NUP210L: variants seen among roughly 807,000 people sequenced by gnomAD.
NUP210L encodes the protein nuclear pore membrane glycoprotein 210-like.
In NUP210L, 74 loss-of-function variants were observed where a neutral mutation model predicts 208.5. That is an observed-to-expected ratio of 0.35 (90% CI 0.29 to 0.43). The LOEUF is 0.43. Ranked by LOEUF, NUP210L falls within the 20% of genes least tolerant of loss-of-function variation. NUP210L has a pLI of 1.00. For missense variants in NUP210L, 1,843 were observed against 2,289.4 expected (o/e 0.81, Z 3.98); for synonymous variants, 780 against 816.9 (o/e 0.95, Z 0.77).
At chr1:154,142,638 C>A (rs1174306377) in intron 3 of NUP210L, among the ~76,000 whole-genome samples, 2 of 152,100 alleles carry the variant, frequency 1.3e-5, no homozygotes, top group African/African-American at 4.8e-5. Context: ...TGCCTGTAAT[C>A]CCAACACTTT....
chr1:154,007,585 T>TATAATAGAATACTTC (rs1650637366), intron 35 of NUP210L, among the ~76,000 whole-genome samples: 1 of 151,706 alleles, frequency 6.6e-6, no homozygotes, highest in African/African-American at 2.4e-5. Flanking sequence ...TATTTATTTA[T>TATAATAGAATACTTC]TTATTGAAAC....
chr1:154,148,131 G>A (rs1209787806), intron 2 of NUP210L, among the ~76,000 whole-genome samples: 1 of 151,532 alleles, frequency 6.6e-6, no homozygotes, highest in African/African-American at 2.4e-5. Flanking sequence ...GCCAGGCATG[G>A]TGGTGCGTGC....
intron 19 of NUP210L, 111 bp downstream of exon 19, chr1:154,060,831 A>G: frequency 1.3e-6 from 1 of 794,252 alleles, no homozygotes; most frequent in Non-Finnish European, 2.1e-6. Context: ...TTTTACATAT[A>G]TGTATCAATT....
chr1:154,127,579 G>A (rs1326583559), intron 8 of NUP210L, among the ~76,000 whole-genome samples, 162 bp from the exon 9 acceptor site: 2 of 118,260 alleles, frequency 1.7e-5, no homozygotes, highest in African/African-American at 6.5e-5. Flanking sequence ...TTTTTTGAGA[G>A]TCTTGCTTTG....
chr1:154,139,881 T>C (rs1204638083), exon 5 of NUP210L: 4 of 1,613,028 alleles, frequency 2.5e-6, no homozygotes, highest in Admixed American at 3.3e-5. Flanking sequence ...CACATCTCCT[T>C]GTTTCTCCTC....
intron 30 of NUP210L, 129 bp from the exon 31 acceptor site, chr1:154,023,426 G>C: frequency 1.4e-6 from 1 of 689,744 alleles, no homozygotes; most frequent in East Asian, 2.8e-5. Context: ...TTTGATGTGA[G>C]ATGACTTAAG....
chr1:154,013,006 CAAAAA>C (rs149011212), intron 33 of NUP210L, among the ~76,000 whole-genome samples: 2 of 72,638 alleles, frequency 2.8e-5, no homozygotes, highest in African/African-American at 5.6e-5. Context: ...AACTCTGAAT[CAAAAA>C]AAAAAAAAAA....
chr1:154,077,959 T>A (rs1158853147), intron 16 of NUP210L, among the ~76,000 whole-genome samples: 1 of 151,856 alleles, frequency 6.6e-6, no homozygotes, highest in Non-Finnish European at 1.5e-5. Flanking sequence ...CACTCTAACC[T>A]GGGCAACAGA....
intron 4 of NUP210L, among the ~76,000 whole-genome samples, chr1:154,140,714 T>G (rs1658812421): frequency 6.8e-6 from 1 of 146,032 alleles, no homozygotes; most frequent in Non-Finnish European, 1.5e-5. Context: ...CCAGACACGG[T>G]GGCTCACGCC....
At chr1:154,090,076 A>G (rs188436558) in intron 15 of NUP210L, among the ~76,000 whole-genome samples, 269 of 144,848 alleles carry the variant, frequency 1.9e-3, no homozygotes, top group African/African-American at 6.6e-3. Flanking sequence ...GACCCTGTCT[A>G]AAAAAAAAAA....
exon 26 of NUP210L, chr1:154,046,315 C>T: frequency 1.2e-6 from 2 of 1,614,208 alleles, no homozygotes; most frequent in Non-Finnish European, 1.7e-6. Context: ...AGCCGAGTTG[C>T]AGCTGCAAGG....
intron 17 of NUP210L, among the ~76,000 whole-genome samples, chr1:154,063,263 C>T (rs1382903762): frequency 1.3e-5 from 2 of 152,118 alleles, no homozygotes; most frequent in African/African-American, 4.8e-5. Context: ...CAGAAAACTC[C>T]TAGGTTTCCT....
At chr1:154,015,922 AAATAAAT>A (rs1651216870) in intron 33 of NUP210L, among the ~76,000 whole-genome samples, 1 of 141,118 alleles carries the variant, frequency 7.1e-6, no homozygotes, top group South Asian at 2.1e-4. Flanking sequence ...ATAAATAAAT[AAATAAAT>A]AAATAAATAA....
chr1:154,152,591 C>T (rs3001363), intron 2 of NUP210L, 145 bp downstream of exon 2: 275,132 of 661,374 alleles, frequency 0.42, 62,017 homozygotes, highest in Non-Finnish European at 0.48. Flanking sequence ...GGATTAAAGG[C>T]GTGAGCCACT....
chr1:154,147,527 G>A (rs181437072), intron 2 of NUP210L, among the ~76,000 whole-genome samples: 264 of 141,046 alleles, frequency 1.9e-3, no homozygotes, highest in African/African-American at 6.7e-3. Flanking sequence ...TTTTTTAGTA[G>A]AGACTTGGTC....
At chr1:154,063,516 C>A (rs529983482) in intron 17 of NUP210L, among the ~76,000 whole-genome samples, 152 of 152,282 alleles carry the variant, frequency 1.0e-3, no homozygotes, top group Non-Finnish European at 1.8e-3. Context: ...AATGGGGAAT[C>A]TCTGAAGACA....
At chr1:154,119,545 G>A (rs1163119272) in intron 10 of NUP210L, among the ~76,000 whole-genome samples, 1 of 152,020 alleles carries the variant, frequency 6.6e-6, no homozygotes, top group African/African-American at 2.4e-5. Context: ...CTGAGATCAC[G>A]CCACTGCACT....
At chr1:154,119,358 T>A (rs753951264) in intron 10 of NUP210L, among the ~76,000 whole-genome samples, 2 of 151,852 alleles carry the variant, frequency 1.3e-5, no homozygotes, top group Non-Finnish European at 2.9e-5. Flanking sequence ...GAGGACGAGG[T>A]GGGTGGACCA....
chr1:154,008,060 T>G (rs1490074509), intron 35 of NUP210L, among the ~76,000 whole-genome samples: 5 of 150,534 alleles, frequency 3.3e-5, no homozygotes, highest in Non-Finnish European at 5.9e-5. Flanking sequence ...TTAGCAGAGA[T>G]GGGGTTTCAC....
Sources: allele counts gnomAD v4.1 joint callset (sites outside exome capture counted in the v4.1 genomes callset), GRCh38; gene constraint gnomAD v4.1.1; transcripts MANE v1.5; gene names NCBI Gene and HGNC (gene_info 2026-07-23, HGNC 2026-07-21).